SRGAP3: variants seen among roughly 807,000 people sequenced by gnomAD.
The protein encoded by SRGAP3 is SLIT-ROBO Rho GTPase activating protein 3.
SRGAP3 carries 39 observed loss-of-function variants against 121.1 expected under a neutral mutation model. The ratio of observed to expected loss-of-function variants is 0.32; its 90% CI spans 0.25 to 0.42. The LOEUF is 0.42. Among genes scored for constraint, SRGAP3 ranks in the 10% least tolerant of loss-of-function variants. SRGAP3 has a pLI of 1.00. For missense variants in SRGAP3, 1,213 were observed against 1,470.6 expected (o/e 0.82, Z 2.86); for synonymous variants, 601 against 570.0 (o/e 1.05, Z -0.77).
In SRGAP3 at chr3:9,013,457, G is replaced by C; in HGVS notation, c.1998C>G (p.Ile666Met). 1 of 1,614,092 alleles carries C rather than the reference G, an allele frequency of 6.2e-7. No individual in the cohort carries two copies. The highest frequency in any genetic ancestry group is 1.1e-5 in the South Asian group (1 of 91,072). Reference protein sequence around the residue: ...AICFGPTLMHIPDGQDPVSCQ... With the variant: ...AICFGPTLMHMPDGQDPVSCQ... ...AGGACACAGGGTCCTGCCCATCAGG[G>C]ATGTGCATGAGGGTAGGCCCGAAGC... The change falls in exon 17 of 22, where the codon ATC becomes ATG. Residue 666 changes from isoleucine to methionine, a missense_variant. This residue lies in a region of SRGAP3 where 793 missense variants were observed against 1,032.9 expected (regional missense o/e 0.77). Transcript: ENST00000383836.
chr3:9,135,881 C>T (rs1455801794), intron 1 of SRGAP3, among the ~76,000 whole-genome samples: 2 of 152,196 alleles, frequency 1.3e-5, no homozygotes, highest in Non-Finnish European at 1.5e-5. Context: ...GTTTTCTCAT[C>T]TGTAAAATAG....
chr3:9,179,827 G>A (rs567808824), intron 1 of SRGAP3, among the ~76,000 whole-genome samples: 7 of 152,356 alleles, frequency 4.6e-5, no homozygotes, highest in African/African-American at 9.6e-5. Flanking sequence ...GAGGTCAAGC[G>A]ACTAGCCCAA....
chr3:9,069,127 T>C (rs890819673), intron 4 of SRGAP3, among the ~76,000 whole-genome samples: 5 of 152,082 alleles, frequency 3.3e-5, no homozygotes, highest in African/African-American at 1.2e-4. Context: ...GAACACATGG[T>C]TGTTTTGCTT....
At chr3:8,994,121 C>T (rs1169041161) in intron 19 of SRGAP3, 7 of 626,104 alleles carry the variant, frequency 1.1e-5, no homozygotes, top group Admixed American at 2.4e-5. Flanking sequence ...CCAGAGGCAC[C>T]CAACACCGTT....
At chr3:9,104,917 T>C in intron 2 of SRGAP3, 75 bp from the exon 3 acceptor site, 1 of 1,587,272 alleles carries the variant, frequency 6.3e-7, no homozygotes, top group Non-Finnish European at 8.6e-7. Context: ...GTCACCCACT[T>C]CAGCTCTTTT....
chr3:9,009,116 C>T (rs932146), intron 18 of SRGAP3, among the ~76,000 whole-genome samples: 31,997 of 152,130 alleles, frequency 0.21, 3,528 homozygotes, highest in Non-Finnish European at 0.25. Context: ...CTTACTCTCT[C>T]TTAAGCTTAA....
intron 1 of SRGAP3, among the ~76,000 whole-genome samples, chr3:9,246,641 T>C (rs1953834757): frequency 6.6e-6 from 1 of 152,162 alleles, no homozygotes; most frequent in South Asian, 2.1e-4. Context: ...CAAGAGTAAG[T>C]GATGTCTGGG....
intron 3 of SRGAP3, among the ~76,000 whole-genome samples, chr3:9,325,487 TC>T (rs1288855458): frequency 6.6e-6 from 1 of 151,982 alleles, no homozygotes; most frequent in Non-Finnish European, 1.5e-5. Flanking sequence ...AGCATAACTT[TC>T]ACATAAGAAT....
At chr3:9,024,409 C>T (rs1944083926) in intron 14 of SRGAP3, among the ~76,000 whole-genome samples, 1 of 152,180 alleles carries the variant, frequency 6.6e-6, no homozygotes, top group African/African-American at 2.4e-5. Flanking sequence ...AATATTTCCT[C>T]GAATGAAACT....
chr3:9,021,443 G>T (rs975650433), intron 14 of SRGAP3, among the ~76,000 whole-genome samples: 1 of 151,472 alleles, frequency 6.6e-6, no homozygotes, highest in South Asian at 2.1e-4. Flanking sequence ...CCTTCATTTT[G>T]CCAGAAGATT....
Position 8,981,736 on chromosome 3 carries a change from C to G in SRGAP3, c.*3783G>C. The G allele has an allele frequency of 4.3e-6, 1 of 230,648 alleles. No homozygotes were observed. Among genetic ancestry groups the G allele is most frequent in the African/African-American group, 2.2e-5 (1 of 45,300 alleles). The allele number at this position is 230,648 out of a possible 1,614,324, so 14.3% of individuals were successfully genotyped here. On this transcript the variant is annotated 3_prime_UTR_variant, in exon 22 of 22. Coordinates refer to ENST00000383836, the MANE Select transcript of SRGAP3 (RefSeq NM_014850.4). ...AAGGCAGATCTCTGAACTGCTGGTT[C>G]CAGCCGATAGCCAAAATATGGCTCA...
chr3:9,191,233 C>T (rs1436571450), intron 1 of SRGAP3, among the ~76,000 whole-genome samples: 2 of 151,960 alleles, frequency 1.3e-5, no homozygotes, highest in East Asian at 1.9e-4. Flanking sequence ...TATGGTCTCC[C>T]GGATTATAAT....
chr3:9,240,071 T>TTTCA (rs1953569610), intron 1 of SRGAP3, among the ~76,000 whole-genome samples: 1 of 152,182 alleles, frequency 6.6e-6, no homozygotes, highest in African/African-American at 2.4e-5. Flanking sequence ...AGCAGGCCTA[T>TTTCA]TTCACACTGT....
chr3:9,234,399 T>G (rs938116), intron 1 of SRGAP3, among the ~76,000 whole-genome samples: 63,265 of 151,766 alleles, frequency 0.42, 14,022 homozygotes, highest in Admixed American at 0.5. Flanking sequence ...CCATGTCGCT[T>G]GGCCAGTTCA....
intron 3 of SRGAP3, among the ~76,000 whole-genome samples, chr3:9,321,835 G>C (rs999873332): frequency 5.3e-5 from 8 of 151,398 alleles, no homozygotes; most frequent in African/African-American, 1.9e-4. Flanking sequence ...GTGAGAGGAG[G>C]GAGAGGATCA....
At chr3:9,307,385 A>G (rs975940940) in intron 3 of SRGAP3, among the ~76,000 whole-genome samples, 9 of 152,202 alleles carry the variant, frequency 5.9e-5, no homozygotes, top group Non-Finnish European at 1.2e-4. Context: ...GGAAATGCTG[A>G]TGGCATGAAA....
At chr3:9,229,664 A>T (rs1273105843) in intron 1 of SRGAP3, among the ~76,000 whole-genome samples, 2 of 152,246 alleles carry the variant, frequency 1.3e-5, no homozygotes, top group African/African-American at 4.8e-5. Flanking sequence ...GAGGTCTGGC[A>T]TCCTAACCAA....
At chr3:9,104,568 G>T (rs1417154060) in intron 3 of SRGAP3, 112 bp downstream of exon 3, 3 of 1,407,926 alleles carry the variant, frequency 2.1e-6, no homozygotes, top group Non-Finnish European at 2.0e-6. Context: ...CAATGCACCT[G>T]CCCCTCCTGG....
intron 1 of SRGAP3, among the ~76,000 whole-genome samples, chr3:9,171,279 A>C (rs934926224): frequency 6.6e-6 from 1 of 152,238 alleles, no homozygotes; most frequent in Non-Finnish European, 1.5e-5. Context: ...ATCTGCTCCA[A>C]GTTCAGAGGC....
Sources: allele counts gnomAD v4.1 joint callset (sites outside exome capture counted in the v4.1 genomes callset), GRCh38; gene constraint gnomAD v4.1.1; regional missense constraint gnomAD v4.1.1; transcripts MANE v1.5; gene names NCBI Gene and HGNC (gene_info 2026-07-23, HGNC 2026-07-21).